NAV2: variants seen among roughly 807,000 people sequenced by gnomAD.
NAV2 encodes neuron navigator 2, also known as helicase, APC down-regulated 1.
A neutral mutation model predicts 223.2 loss-of-function variants in NAV2; 54 were observed. That is an observed-to-expected ratio of 0.24 (90% CI 0.19 to 0.30). NAV2 has a LOEUF of 0.30. Among genes scored for constraint, NAV2 ranks in the 10% least tolerant of loss-of-function variants. The pLI, the probability that NAV2 is intolerant of heterozygous loss-of-function variation, is 1.00. For synonymous variants in NAV2, 1,279 were observed against 1,239.3 expected (o/e 1.03, Z -0.67); for missense variants, 2,806 against 3,147.5 (o/e 0.89, Z 2.60).
chr11:19,484,559 A>G (rs1590304405), intron 1 of NAV2, among the ~76,000 whole-genome samples: 2 of 152,364 alleles, frequency 1.3e-5, no homozygotes, highest in South Asian at 4.1e-4. Context: ...CCTTGGGATG[A>G]CAGCATCCTA....
intron 6 of NAV2, among the ~76,000 whole-genome samples, chr11:19,932,552 C>A (rs1399370230): frequency 6.6e-6 from 1 of 152,176 alleles, no homozygotes; most frequent in East Asian, 1.9e-4. Flanking sequence ...TTCCTGACCT[C>A]AGGTGATCTG....
intron 1 of NAV2, among the ~76,000 whole-genome samples, chr11:19,590,480 A>G (rs2046028517): frequency 6.6e-6 from 1 of 152,158 alleles, no homozygotes; most frequent in Admixed American, 6.5e-5. Flanking sequence ...AAGCTCCAGG[A>G]AACCCAGATT....
At position 19,936,999 on chromosome 11, in the gene NAV2, G is replaced by A. The variant is rs557394593; in HGVS notation, c.2034-2662G>A. On this transcript the variant is annotated intron_variant, in intron 7 of 37. Transcript: ENST00000349880. ...CTAAAAATACAAAAATTAGCCTGGCGAGGTGGTGCACGCCTGTAGTCCCAA... is the reference window on the plus strand; with the variant it reads ...CTAAAAATACAAAAATTAGCCTGGCAAGGTGGTGCACGCCTGTAGTCCCAA... Among the ~76,000 whole-genome samples, 7 of 152,146 alleles carry A rather than the reference G, an allele frequency of 4.6e-5. No homozygotes were observed. The South Asian group carries it at 1.2e-3, about 27-fold the overall frequency.
intron 11 of NAV2, among the ~76,000 whole-genome samples, chr11:19,987,199 C>A (rs565906751): frequency 6.6e-6 from 1 of 152,146 alleles, no homozygotes; most frequent in Admixed American, 6.6e-5. Flanking sequence ...AGGTAGTATG[C>A]AAGTGGCTGC....
At chr11:19,357,503 CA>C (rs980726229) in intron 1 of NAV2, among the ~76,000 whole-genome samples, 2 of 152,056 alleles carry the variant, frequency 1.3e-5, no homozygotes, top group Non-Finnish European at 2.9e-5. Flanking sequence ...GTACTTAGCA[CA>C]TAAGTATTAA....
chr11:19,492,531 C>T (rs1026831134), intron 1 of NAV2, among the ~76,000 whole-genome samples: 9 of 151,984 alleles, frequency 5.9e-5, no homozygotes, highest in Non-Finnish European at 1.3e-4. Flanking sequence ...GGATAAAAAC[C>T]GTATTCTAGG....
At chr11:19,430,974 C>A (rs1391408481) in intron 1 of NAV2, among the ~76,000 whole-genome samples, 1 of 152,220 alleles carries the variant, frequency 6.6e-6, no homozygotes, top group African/African-American at 2.4e-5. Context: ...TAGCCTGAGG[C>A]TTTAGCCAAG....
intron 10 of NAV2, among the ~76,000 whole-genome samples, chr11:19,951,147 T>A (rs1249308449): frequency 6.6e-6 from 1 of 152,198 alleles, no homozygotes; most frequent in African/African-American, 2.4e-5. Flanking sequence ...CTGATTTCTA[T>A]GGCCTACCTA....
chr11:19,441,363 A>G (rs1356555906), intron 1 of NAV2, among the ~76,000 whole-genome samples: 2 of 152,130 alleles, frequency 1.3e-5, no homozygotes, highest in East Asian at 1.9e-4. Flanking sequence ...CATGAGAGAT[A>G]TGTGATCAAA....
chr11:19,507,528 C>T (rs1424149792), intron 1 of NAV2, among the ~76,000 whole-genome samples: 1 of 152,184 alleles, frequency 6.6e-6, no homozygotes, highest in Non-Finnish European at 1.5e-5. Flanking sequence ...TGAATCTGCA[C>T]TGTGTCACTA....
intron 1 of NAV2, among the ~76,000 whole-genome samples, chr11:19,644,367 A>G (rs1209228175): frequency 3.9e-5 from 6 of 152,182 alleles, no homozygotes; most frequent in Non-Finnish European, 7.3e-5. Context: ...CAGAGGAAGC[A>G]TTTTTTTGGT....
At chr11:20,099,813 G>A (rs1344679547) in intron 31 of NAV2, among the ~76,000 whole-genome samples, 12 of 151,854 alleles carry the variant, frequency 7.9e-5, no homozygotes, top group Admixed American at 7.9e-4. Context: ...ATACAGAGAG[G>A]GTGTTCTAGT....
In NAV2 at chr11:19,998,287, C is replaced by T. The variant is rs1385358228; in HGVS notation, c.2768+14040C>T. Among the ~76,000 whole-genome samples the T allele has an allele frequency of 6.6e-6, 1 of 151,994 alleles. No individual in the cohort carries two copies. Among genetic ancestry groups the T allele is most frequent in the African/African-American group, 2.4e-5 (1 of 41,382 alleles). ...TCTCTCTGCTTCTCTCTCTCCCTCT[C>T]TCCGCCCACCTCCCTCTCCTTCTCT... On this transcript the variant is annotated intron_variant, in intron 11 of 37. Transcript: ENST00000349880. The surrounding 1 kb of genome is among the most constrained non-coding windows in gnomAD (Gnocchi z 5.0).
At chr11:19,644,593 G>A (rs762005732) in intron 1 of NAV2, among the ~76,000 whole-genome samples, 1 of 152,244 alleles carries the variant, frequency 6.6e-6, no homozygotes, top group Admixed American at 6.5e-5. Context: ...GTGGATCACA[G>A]GGCAGCTGCA....
At chr11:19,445,381 G>A (rs1851546939) in intron 1 of NAV2, among the ~76,000 whole-genome samples, 1 of 152,194 alleles carries the variant, frequency 6.6e-6, no homozygotes, top group East Asian at 1.9e-4. Flanking sequence ...TGAGGGAGGG[G>A]ACTCTGAACT....
rs1297214381 is a variant in NAV2, at chr11:20,055,778, C to T, written c.4652C>T (p.Thr1551Ile). ...RFNFSQLASP[T>I]TVTQMSLSNP... ...ATTCCTTTTATTCCAGCGAGTCCCACCACTGTCACCCAGATGAGCTTGTCC... is the reference window on the plus strand; with the variant it reads ...ATTCCTTTTATTCCAGCGAGTCCCATCACTGTCACCCAGATGAGCTTGTCC... The change falls in exon 19 of 38, where the codon ACC becomes ATC. Residue 1551 changes from threonine (T) to isoleucine (I), a missense_variant. Around this residue, in one of 4 missense-constraint regions of NAV2, gnomAD observed 742 missense variants for 777.9 expected, o/e 0.95. Coordinates refer to ENST00000349880, the MANE Select transcript of NAV2 (RefSeq NM_145117.5). 1 of 1,613,758 alleles carries T rather than the reference C, an allele frequency of 6.2e-7. No homozygotes were observed. The highest frequency in any genetic ancestry group is 1.3e-5 in the African/African-American group (1 of 74,916).
At chr11:19,588,429 A>G (rs895917651) in intron 1 of NAV2, among the ~76,000 whole-genome samples, 2 of 152,190 alleles carry the variant, frequency 1.3e-5, no homozygotes, top group African/African-American at 4.8e-5. Context: ...GAGCCAACCC[A>G]CTTGACAGTG....
chr11:19,583,090 C>T (rs1029708915), intron 1 of NAV2, among the ~76,000 whole-genome samples: 2 of 152,220 alleles, frequency 1.3e-5, no homozygotes, highest in African/African-American at 2.4e-5. Context: ...AGAGGTCCTT[C>T]ACATCCCTTG....
At chr11:20,092,413 G>A (rs1488876494) in intron 28 of NAV2, 45 bp downstream of exon 28, 1 of 1,576,102 alleles carries the variant, frequency 6.3e-7, no homozygotes, top group South Asian at 1.1e-5. Flanking sequence ...ACCTACAGCT[G>A]GCACCCTGAT....
Sources: gnomAD v4.1 joint callset for allele counts (sites outside exome capture counted in the v4.1 genomes callset) on GRCh38, gnomAD v4.1.1 for gene constraint, gnomAD v4.1.1 regional missense constraint, Gnocchi (gnomAD v3.1) non-coding constraint, MANE v1.5 for transcripts, NCBI Gene and HGNC (gene_info 2026-07-23, HGNC 2026-07-21) for gene names.